CBFB: variants seen among roughly 807,000 people sequenced by gnomAD.
The protein encoded by CBFB is CBF-beta.
Under a neutral mutation model 30.4 loss-of-function variants are expected in CBFB, and 9 were observed. The ratio of observed to expected loss-of-function variants is 0.30; its 90% CI spans 0.18 to 0.52. The LOEUF is 0.52. CBFB is among the 20% of genes least tolerant of loss of function. The pLI is 0.97. For missense variants in CBFB, 170 were observed against 244.0 expected (o/e 0.70, Z 2.02); for synonymous variants, 94 against 84.0 (o/e 1.12, Z -0.65).
At chr16:67,079,151 T>A (rs1961486896) in intron 4 of CBFB, among the ~76,000 whole-genome samples, 1 of 152,248 alleles carries the variant, frequency 6.6e-6, no homozygotes, top group Non-Finnish European at 1.5e-5. Flanking sequence ...GCTTGTTGAA[T>A]AATAGCATTT....
chr16:67,099,873 C>CA lies in CBFB; in HGVS notation c.*1096dup. 1 of 212,546 alleles carries CA rather than the reference C, an allele frequency of 4.7e-6. No homozygotes were observed. Among genetic ancestry groups the CA allele is most frequent in the East Asian group, 7.1e-5 (1 of 14,088 alleles). 13.2% of individuals were successfully genotyped at this position (212,546 alleles called of 1,614,324 possible). A position where few individuals can be genotyped will look rare whatever the true frequency, so the allele number is the denominator to read the frequency against. On this transcript the variant is annotated 3_prime_UTR_variant, in exon 6 of 6. Coordinates refer to ENST00000412916, the MANE Select transcript of CBFB (RefSeq NM_022845.3). ...TTTATATTGCATGCTTTTGTAAAAA[C>CA]ATGCTGGGTGATGAAAGATTAGTTT...
intron 5 of CBFB, 131 bp downstream of exon 5, chr16:67,082,439 T>A (rs1961591818): frequency 1.8e-6 from 2 of 1,116,166 alleles, no homozygotes; most frequent in Admixed American, 2.5e-5. Flanking sequence ...AAAGTTGTAC[T>A]CTCTGGCTTT....
chr16:67,058,859 A>G (rs1960808175), intron 3 of CBFB, among the ~76,000 whole-genome samples: 1 of 152,160 alleles, frequency 6.6e-6, no homozygotes, highest in Non-Finnish European at 1.5e-5. Context: ...ATCCTTTCCA[A>G]TCGAAAGGGA....
intron 4 of CBFB, among the ~76,000 whole-genome samples, chr16:67,072,218 G>T (rs954346051): frequency 1.3e-5 from 2 of 151,950 alleles, no homozygotes; most frequent in African/African-American, 2.4e-5. Context: ...TTATTATATT[G>T]CTAGCCCTAG....
intron 4 of CBFB, among the ~76,000 whole-genome samples, chr16:67,069,382 AG>A (rs1346779916): frequency 6.6e-6 from 1 of 151,884 alleles, no homozygotes; most frequent in Non-Finnish European, 1.5e-5. Flanking sequence ...AAAAAAAAAA[AG>A]AAATTCTGGA....
intron 4 of CBFB, 82 bp from the exon 5 acceptor site, chr16:67,082,131 A>G (rs894329025): frequency 4.5e-5 from 33 of 737,194 alleles, no homozygotes; most frequent in South Asian, 1.1e-4. Flanking sequence ...TGTTTCAGGA[A>G]AAAAAAAAAA....
chr16:67,056,223 G>A (rs1007795031), intron 3 of CBFB, among the ~76,000 whole-genome samples: 3 of 152,186 alleles, frequency 2.0e-5, no homozygotes, highest in Admixed American at 6.5e-5. Context: ...TTCCTTAAAT[G>A]CAAGAAGGCC....
At chr16:67,089,062 A>G (rs1250011415) in intron 5 of CBFB, among the ~76,000 whole-genome samples, 1 of 151,890 alleles carries the variant, frequency 6.6e-6, no homozygotes, top group African/African-American at 2.4e-5. Context: ...TCTTTTTCTC[A>G]TTTTTCTGGA....
chr16:67,050,920 T>G (rs1966728290), intron 3 of CBFB, among the ~76,000 whole-genome samples: 1 of 152,190 alleles, frequency 6.6e-6, no homozygotes, highest in African/African-American at 2.4e-5. Context: ...AAGTAACTAA[T>G]GGACACATTC....
Position 67,043,260 on chromosome 16 carries a change from C to T in CBFB, c.282+6505C>T, listed in dbSNP as rs193286502. On this transcript the variant is annotated intron_variant, in intron 3 of 5. Transcript: ENST00000412916. ...ATAATACTCACTTAAATTTAGCGAA[C>T]TCAGAAAAAATTAGAATCCTAATAG... 3.1e-3 allele frequency among the ~76,000 whole-genome samples: 473 copies of T among 152,214 alleles called. 2 individuals carry two copies. The highest frequency in any genetic ancestry group is 5.5e-3 in the Non-Finnish European group (371 of 68,010).
chr16:67,058,771 C>G (rs185985679), intron 3 of CBFB, among the ~76,000 whole-genome samples: 2 of 152,256 alleles, frequency 1.3e-5, no homozygotes, highest in Non-Finnish European at 2.9e-5. Flanking sequence ...CACCCTCTTA[C>G]GTTTTCTTAA....
chr16:67,050,796 A>G (rs760009756), intron 3 of CBFB, among the ~76,000 whole-genome samples: 1 of 152,160 alleles, frequency 6.6e-6, no homozygotes, highest in Non-Finnish European at 1.5e-5. Flanking sequence ...CTGTCTCCAA[A>G]AAACTAAAAG....
At chr16:67,075,457 A>G (rs1251424601) in intron 4 of CBFB, among the ~76,000 whole-genome samples, 2 of 152,154 alleles carry the variant, frequency 1.3e-5, no homozygotes, top group Non-Finnish European at 2.9e-5. Flanking sequence ...CCAAACATTG[A>G]CAAGAATGTA....
rs1055818756 is a variant in CBFB, at chr16:67,099,749, A to G, written c.*971A>G. Reference sequence around the variant, plus strand: ...AGAAAAGGGATACTGGAGCTTCTTCATGTATGTAACAGCATATTAAACTGG... The same window carrying G: ...AGAAAAGGGATACTGGAGCTTCTTCGTGTATGTAACAGCATATTAAACTGG... On this transcript the variant is annotated 3_prime_UTR_variant, in exon 6 of 6. Coordinates refer to ENST00000412916, the MANE Select transcript of CBFB (RefSeq NM_022845.3). The G allele has an allele frequency of 1.6e-4, 33 of 206,310 alleles. No individual in the cohort carries two copies. Among genetic ancestry groups the G allele is most frequent in the African/African-American group, 7.1e-4 (31 of 43,770 alleles). 12.8% of individuals were successfully genotyped at this position (206,310 alleles called of 1,614,324 possible).
intron 4 of CBFB, among the ~76,000 whole-genome samples, chr16:67,081,012 A>ACG (rs1188449252): frequency 1.3e-5 from 2 of 152,040 alleles, no homozygotes; most frequent in African/African-American, 4.8e-5. Context: ...GTTTTAGGGT[A>ACG]CGTGTACACA....
chr16:67,044,522 G>T (rs1966589139), intron 3 of CBFB, among the ~76,000 whole-genome samples: 1 of 151,976 alleles, frequency 6.6e-6, no homozygotes, highest in Non-Finnish European at 1.5e-5. Flanking sequence ...TTGATAAGTT[G>T]TATTTTTTTT....
intron 3 of CBFB, among the ~76,000 whole-genome samples, chr16:67,061,093 T>C (rs1960898636): frequency 6.6e-6 from 1 of 152,166 alleles, no homozygotes; most frequent in Admixed American, 6.5e-5. Context: ...TTAGGTGATA[T>C]CATGTATAAT....
intron 4 of CBFB, among the ~76,000 whole-genome samples, chr16:67,081,759 T>A (rs1400391418): frequency 6.6e-6 from 1 of 151,870 alleles, no homozygotes; most frequent in African/African-American, 2.4e-5. Flanking sequence ...CAGGTTGTGG[T>A]GAGCTATGAT....
At chr16:67,085,871 G>C (rs2145776428) in intron 5 of CBFB, among the ~76,000 whole-genome samples, 1 of 151,824 alleles carries the variant, frequency 6.6e-6, no homozygotes, top group East Asian at 2.0e-4. Context: ...GTAGAGACGG[G>C]GTTTCACCGT....
Sources: allele counts gnomAD v4.1 joint callset (sites outside exome capture counted in the v4.1 genomes callset), GRCh38; gene constraint gnomAD v4.1.1; transcripts MANE v1.5; gene names NCBI Gene and HGNC (gene_info 2026-07-23, HGNC 2026-07-21).